The following SPATA31F3 variants were observed in gnomAD, a reference collection of about 807,000 sequenced individuals.
SPATA31F3 encodes the protein protein SPATA31F3.
the SPATA31F3 span, chr9:34,892,902 C>T: frequency 2.9e-6 from 2 of 695,090 alleles, no homozygotes; most frequent in African/African-American, 1.8e-5. Flanking sequence ...GTTGGAGTTA[C>T]AGATGCCAGT....
chr9:34,892,819 T>G, the SPATA31F3 span: 1 of 677,006 alleles, frequency 1.5e-6, no homozygotes, highest in Non-Finnish European at 2.7e-6. Context: ...CCCAGGAATC[T>G]TGGACGCTGT....
chr9:34,894,119 A>T, the SPATA31F3 span, among the ~76,000 whole-genome samples: 3 of 152,168 alleles, frequency 2.0e-5, no homozygotes, highest in Non-Finnish European at 4.4e-5. Context: ...TTTACGCAAA[A>T]TCCATTCCTC....
the SPATA31F3 span, chr9:34,895,677 A>G: frequency 2.5e-6 from 1 of 404,406 alleles, no homozygotes; most frequent in African/African-American, 2.1e-5. Context: ...CCATAGGTGT[A>G]TAAGGGATAT....
the SPATA31F3 span, among the ~76,000 whole-genome samples, chr9:34,890,162 G>T: frequency 6.6e-6 from 1 of 152,170 alleles, no homozygotes; most frequent in African/African-American, 2.4e-5. Context: ...GATATATTTG[G>T]CAAGTTGTGA....
At chr9:34,892,363 G>A in the SPATA31F3 span, among the ~76,000 whole-genome samples, 4 of 152,202 alleles carry the variant, frequency 2.6e-5, no homozygotes, top group East Asian at 7.7e-4. Context: ...AGAAGCCTTA[G>A]AGATAGCATT....
At chr9:34,895,750 C>G in the SPATA31F3 span, 8 of 402,448 alleles carry the variant, frequency 2.0e-5, no homozygotes, top group Non-Finnish European at 3.5e-5. Context: ...CCATCCCTCT[C>G]CCTAGTCTTT....
the SPATA31F3 span, chr9:34,893,296 T>C: frequency 2.4e-6 from 1 of 410,014 alleles, no homozygotes; most frequent in South Asian, 1.2e-4. Flanking sequence ...CCTGTTTTTC[T>C]TCCTAAGAAA....
chr9:34,891,641 A>T, the SPATA31F3 span, among the ~76,000 whole-genome samples: 1 of 152,122 alleles, frequency 6.6e-6, no homozygotes, highest in African/African-American at 2.4e-5. Flanking sequence ...CTCTGTTTCA[A>T]TTGCTCCTGG....
At chr9:34,894,171 T>A in the SPATA31F3 span, among the ~76,000 whole-genome samples, 6 of 152,234 alleles carry the variant, frequency 3.9e-5, no homozygotes, top group South Asian at 1.2e-3. Context: ...CAACCCTGTG[T>A]AGAGTCTTTT....
the SPATA31F3 span, among the ~76,000 whole-genome samples, chr9:34,890,515 C>T: frequency 2.0e-5 from 3 of 152,224 alleles, no homozygotes; most frequent in African/African-American, 7.2e-5. Flanking sequence ...TGCTATGGAA[C>T]TAGATCACTT....
chr9:34,891,807 C>T, the SPATA31F3 span, among the ~76,000 whole-genome samples: 1 of 152,178 alleles, frequency 6.6e-6, no homozygotes, highest in African/African-American at 2.4e-5. Context: ...CCTGGATCTA[C>T]AGAGATCTCT....
the SPATA31F3 span, chr9:34,894,909 G>T: frequency 5.0e-6 from 2 of 396,896 alleles, no homozygotes; most frequent in Non-Finnish European, 8.9e-6. Context: ...ATGAGAAATT[G>T]TCCCTGGGGG....
chr9:34,889,695 C>T, the SPATA31F3 span: 15 of 398,106 alleles, frequency 3.8e-5, no homozygotes, highest in Admixed American at 5.3e-4. Flanking sequence ...CAACTCTTAG[C>T]CCTAGAAAGT....
the SPATA31F3 span, chr9:34,889,277 T>C: frequency 5.0e-6 from 2 of 398,514 alleles, no homozygotes; most frequent in Non-Finnish European, 4.4e-6. Flanking sequence ...GCACAAGTCA[T>C]TTGAGGACAG....
the SPATA31F3 span, among the ~76,000 whole-genome samples, chr9:34,890,994 A>G: frequency 1.3e-5 from 2 of 151,852 alleles, no homozygotes; most frequent in African/African-American, 4.9e-5. Context: ...GATGGGCTCA[A>G]TCTGTGATTG....
At chr9:34,892,237 G>A in the SPATA31F3 span, among the ~76,000 whole-genome samples, 1 of 152,186 alleles carries the variant, frequency 6.6e-6, no homozygotes, top group Non-Finnish European at 1.5e-5. Context: ...TTTGTTCACA[G>A]TAATTTTTCT....
the SPATA31F3 span, among the ~76,000 whole-genome samples, chr9:34,892,439 G>T: frequency 1.3e-5 from 2 of 152,186 alleles, no homozygotes; most frequent in Non-Finnish European, 2.9e-5. Context: ...AAGTGGTGTG[G>T]TATAAGCTGC....
the SPATA31F3 span, among the ~76,000 whole-genome samples, chr9:34,895,322 G>A: frequency 6.6e-6 from 1 of 151,956 alleles, no homozygotes; most frequent in African/African-American, 2.4e-5. Flanking sequence ...TCATAAGTTC[G>A]GTGGGGACTT....
chr9:34,892,663 G>T, the SPATA31F3 span: 1 of 460,062 alleles, frequency 2.2e-6, no homozygotes. Context: ...GCTGACCTTG[G>T]TTCTCCAGGA....
Sources: allele counts gnomAD v4.1 joint callset (sites outside exome capture counted in the v4.1 genomes callset), GRCh38; gene constraint gnomAD v4.1.1; transcripts MANE v1.5; gene names NCBI Gene and HGNC (gene_info 2026-07-23, HGNC 2026-07-21).